Variants in USP34 observed in about 807,000 individuals in gnomAD.
USP34 encodes the protein ubiquitin specific peptidase 34.
USP34 carries 70 observed loss-of-function variants against 460.3 expected under a neutral mutation model. The observed-to-expected ratio is 0.15, with a 90% CI of 0.13 to 0.19. The LOEUF (loss-of-function observed/expected upper bound fraction) is 0.19, where lower values mean the gene tolerates loss of function less well. USP34 is among the 10% of genes least tolerant of loss of function. The pLI is 1.00. For synonymous variants in USP34, 1,647 were observed against 1,405.3 expected, an observed-to-expected ratio of 1.17 and a Z score of -3.85; for missense variants, 3,985 against 4,236.2, an observed-to-expected ratio of 0.94 and a Z score of 1.65.
At chr2:61,346,603 A>T (rs1296630972) in intron 15 of USP34, among the ~76,000 whole-genome samples, 1 of 146,138 alleles carries the variant, frequency 6.8e-6, no homozygotes, top group African/African-American at 2.5e-5. Flanking sequence ...TGGCAGGCCG[A>T]ATCATAAGGT....
intron 18 of USP34, 40 bp from the exon 19 acceptor site, chr2:61,334,011 T>A (rs1278692058): frequency 1.4e-6 from 2 of 1,423,282 alleles, no homozygotes; most frequent in South Asian, 1.3e-5. Flanking sequence ...TTTTAGTAAT[T>A]CTTTTTATAG....
Position 61,236,253 on chromosome 2 carries a change from A to G in USP34, c.6843-17T>C, listed in dbSNP as rs1430099293. 1 of 1,601,852 alleles carries G rather than the reference A, an allele frequency of 6.2e-7. No individual in the cohort carries two copies. Among genetic ancestry groups the G allele is most frequent in the Admixed American group, 1.7e-5 (1 of 57,644 alleles). ...CACATAAATCTAGAATTTAAAAATA[A>G]TCATTTAAAATTCACACGTAAGATT... On this transcript the variant is annotated splice_polypyrimidine_tract_variant and intron_variant, in intron 54 of 79. Coordinates refer to ENST00000398571, the MANE Select transcript of USP34 (RefSeq NM_014709.4).
At chr2:61,446,113 CAAAAAAA>C (rs35776849) in intron 1 of USP34, among the ~76,000 whole-genome samples, 4 of 87,256 alleles carry the variant, frequency 4.6e-5, no homozygotes, top group Non-Finnish European at 8.7e-5. Context: ...GACTCTGTCT[CAAAAAAA>C]AAAAAAAAAA....
intron 53 of USP34, among the ~76,000 whole-genome samples, chr2:61,240,620 C>T (rs1157761956): frequency 6.7e-6 from 1 of 150,336 alleles, no homozygotes; most frequent in Non-Finnish European, 1.5e-5. Flanking sequence ...GTTGCCCAGG[C>T]TGAAATACAG....
At chr2:61,418,565 G>C (rs1428076606) in intron 2 of USP34, among the ~76,000 whole-genome samples, 2 of 152,088 alleles carry the variant, frequency 1.3e-5, no homozygotes, top group Admixed American at 6.6e-5. Context: ...GACTCACTTG[G>C]TCCACGGGCC....
intron 23 of USP34, 98 bp from the exon 24 acceptor site, chr2:61,315,072 A>C: frequency 1.3e-6 from 1 of 795,488 alleles, no homozygotes; most frequent in South Asian, 2.1e-5. Flanking sequence ...GGCAACTCCT[A>C]TTATTCAGCT....
At chr2:61,452,123 G>A (rs865997293) in intron 1 of USP34, among the ~76,000 whole-genome samples, 3 of 149,472 alleles carry the variant, frequency 2.0e-5, no homozygotes, top group Non-Finnish European at 3.0e-5. Context: ...GCAGTGAGCC[G>A]AGATCATGCC....
At chr2:61,360,809 C>T (rs1368661527) in intron 10 of USP34, among the ~76,000 whole-genome samples, 2 of 152,286 alleles carry the variant, frequency 1.3e-5, no homozygotes, top group East Asian at 3.9e-4. Flanking sequence ...GGACGTACCA[C>T]CACATCCAAC....
chr2:61,412,728 T>TA (rs923252163), intron 2 of USP34, among the ~76,000 whole-genome samples: 1 of 150,932 alleles, frequency 6.6e-6, no homozygotes, highest in Non-Finnish European at 1.5e-5. Context: ...CTTTCTACAA[T>TA]AAAAAAATAT....
chr2:61,319,079 T>C, intron 22 of USP34, 94 bp downstream of exon 22: 1 of 1,261,946 alleles, frequency 7.9e-7, no homozygotes, highest in Non-Finnish European at 1.1e-6. Context: ...TTAAAAAAAC[T>C]GTCAAAAAAA....
At chr2:61,341,147 T>C (rs918504070) in intron 16 of USP34, among the ~76,000 whole-genome samples, 6 of 152,232 alleles carry the variant, frequency 3.9e-5, no homozygotes, top group African/African-American at 1.4e-4. Flanking sequence ...TCAATATTCA[T>C]CCATGATGTT....
At chr2:61,344,721 G>A (rs1040314263) in intron 15 of USP34, among the ~76,000 whole-genome samples, 1 of 152,150 alleles carries the variant, frequency 6.6e-6, no homozygotes, top group Non-Finnish European at 1.5e-5. Context: ...TTTTTTAACT[G>A]CTTTGTCTTC....
Position 61,203,227 on chromosome 2 carries a change from A to C in USP34, c.9421T>G (p.Tyr3141Asp), listed in dbSNP as rs1188803591. 2 of 1,596,060 alleles carry C rather than the reference A, an allele frequency of 1.3e-6. No homozygotes were observed. The highest frequency in any genetic ancestry group is 1.7e-6 in the Non-Finnish European group (2 of 1,171,000). ...ATGAACTGATGATAAGAAAAGAAGT[A>C]GTCTAGCAGCATACGATCATAAACG... ...DDVYDRMLLD[Y>D]FFSYHQFIHL... Residue 3141 changes from tyrosine to aspartate, a missense_variant, in exon 75 of 80, where the codon TAC (tyrosine) becomes GAC (aspartate). Tyr to Asp is a radical substitution (Grantham distance 160). Coordinates refer to ENST00000398571, the MANE Select transcript of USP34 (RefSeq NM_014709.4).
chr2:61,353,064 C>T (rs926876798), intron 10 of USP34, among the ~76,000 whole-genome samples: 5 of 152,208 alleles, frequency 3.3e-5, no homozygotes, highest in East Asian at 1.9e-4. Context: ...ATTTCTGACA[C>T]GCACACTCCC....
chr2:61,193,199 G>A (rs908074360), intron 75 of USP34: 1 of 375,108 alleles, frequency 2.7e-6, no homozygotes, highest in African/African-American at 2.1e-5. Flanking sequence ...ATTCCTGAAG[G>A]ATATGGGACT....
Position 61,394,995 on chromosome 2 carries a change from T to C in USP34, c.611A>G (p.Glu204Gly), listed in dbSNP as rs1233426216. ...ATAACGAAGCAAATGCAATGGTACT[T>C]CTACATCCTGGGAAAATAAAGAAAA... ...LGAFCDMNDV[E>G]VPLHLLRYVC... is the part of the protein sequence containing the mutation. Residue 204 changes from glutamate to glycine, a missense_variant, in exon 5 of 80, where the codon GAA (glutamate) becomes GGA (glycine). Transcript: ENST00000398571. 6.3e-7 allele frequency: 1 copy of C among 1,580,232 alleles called. No homozygotes were observed. The highest frequency in any genetic ancestry group is 1.4e-5 in the African/African-American group (1 of 72,938).
At chr2:61,315,706 G>A (rs946402986) in intron 23 of USP34, among the ~76,000 whole-genome samples, 11 of 152,118 alleles carry the variant, frequency 7.2e-5, no homozygotes, top group African/African-American at 2.2e-4. Context: ...ACCATGAGAT[G>A]ACAACAAAAA....
intron 1 of USP34, among the ~76,000 whole-genome samples, chr2:61,424,967 G>A (rs1268328490): frequency 6.6e-6 from 1 of 152,070 alleles, no homozygotes. Context: ...TTACAGGCAT[G>A]TACCACCACG....
intron 1 of USP34, among the ~76,000 whole-genome samples, chr2:61,444,021 A>G (rs1280495557): frequency 1.3e-5 from 2 of 152,312 alleles, no homozygotes; most frequent in Non-Finnish European, 2.9e-5. Context: ...CTGTAACCCT[A>G]GCACTCTGGG....
Sources: gnomAD v4.1 joint callset for allele counts (sites outside exome capture counted in the v4.1 genomes callset) on GRCh38, gnomAD v4.1.1 for gene constraint, MANE v1.5 for transcripts, NCBI Gene and HGNC (gene_info 2026-07-23, HGNC 2026-07-21) for gene names.